The following FREM2 variants were observed in gnomAD, a reference collection of about 807,000 sequenced individuals.
The protein encoded by FREM2 is FRAS1-related extracellular matrix protein 2.
In FREM2, 119 loss-of-function variants were observed where a neutral mutation model predicts 219.9. That is an observed-to-expected ratio of 0.54 (90% confidence interval 0.47 to 0.63). The LOEUF (loss-of-function observed/expected upper bound fraction) is 0.63, where lower values mean the gene tolerates loss of function less well. Ranked by LOEUF, FREM2 falls within the 30% of genes least tolerant of loss-of-function variation. FREM2 has a pLI of 0.00. For synonymous variants in FREM2, 1,562 were observed against 1,522.8 expected (o/e 1.03, Z -0.60); for missense variants, 4,030 against 3,993.6 (o/e 1.01, Z -0.25).
At position 38,872,930 on chromosome 13, in the gene FREM2, T is replaced by A. The variant is rs201065518; in HGVS notation, c.8172T>A (p.Leu2724=). Reference sequence around the variant, plus strand: ...TTGGCAGCCCCCCAGAGGCTGAACTTCAAGGTGAGTTCAGAAGACTTGGAA... The same window carrying A: ...TTGGCAGCCCCCCAGAGGCTGAACTACAAGGTGAGTTCAGAAGACTTGGAA... ...DGIGSPPEAE[L]QGSLYPTSMR... is the part of the protein sequence containing the mutation. The change falls in exon 17 of 24, where the codon CTT becomes CTA. Residue 2724 remains leucine, a synonymous_variant. Transcript: ENST00000280481. 283 of 1,612,960 alleles carry A rather than the reference T, an allele frequency of 1.8e-4. 3 individuals are homozygous for A. In the Middle Eastern group the frequency reaches 4.2e-3, roughly 24 times the overall value.
Position 38,874,660 on chromosome 13 carries a change from G to A in FREM2, c.8281+74G>A, listed in dbSNP as rs941926123. 2.5e-6 allele frequency: 3 copies of A among 1,201,852 alleles called. No homozygotes were observed. In the African/African-American group the frequency reaches 4.5e-5, roughly 18 times the overall value. The allele number at this position is 1,201,852 out of a possible 1,614,324, so 74.4% of individuals were successfully genotyped here. On this transcript the variant is annotated intron_variant, in intron 18 of 23. Transcript: ENST00000280481. ...AGATTTTCCATCTTCACACATTTCA[G>A]CGTGCTTCTCTGTTACCACTGAAGC...
chr13:38,865,978 A>C (rs1877947464), intron 16 of FREM2, among the ~76,000 whole-genome samples: 1 of 152,172 alleles, frequency 6.6e-6, no homozygotes, highest in African/African-American at 2.4e-5. Context: ...AAGAAAAATA[A>C]AGGCTCATAT....
chr13:38,832,504 C>A (rs1876548873), intron 6 of FREM2, among the ~76,000 whole-genome samples: 1 of 151,910 alleles, frequency 6.6e-6, no homozygotes, highest in Non-Finnish European at 1.5e-5. Flanking sequence ...AGGAAATAAC[C>A]AGTTAGTGGT....
intron 4 of FREM2, among the ~76,000 whole-genome samples, chr13:38,776,703 T>C (rs1369258451): frequency 6.6e-6 from 1 of 151,940 alleles, no homozygotes; most frequent in Non-Finnish European, 1.5e-5. Flanking sequence ...TTAATAATGG[T>C]GGAAAATGAG....
chr13:38,859,825 A>G (rs117078469), intron 14 of FREM2, among the ~76,000 whole-genome samples: 2,555 of 151,954 alleles, frequency 0.017, 24 homozygotes, highest in Middle Eastern at 0.068. Flanking sequence ...GCAATAAAAT[A>G]AAGAAGACAG....
intron 2 of FREM2, among the ~76,000 whole-genome samples, chr13:38,742,476 G>A (rs1267516754): frequency 6.6e-6 from 1 of 152,150 alleles, no homozygotes; most frequent in Non-Finnish European, 1.5e-5. Flanking sequence ...GTCTTCCATG[G>A]TCCTTAGGTA....
intron 6 of FREM2, among the ~76,000 whole-genome samples, chr13:38,792,586 A>G (rs1008734257): frequency 2.0e-5 from 3 of 152,166 alleles, no homozygotes; most frequent in Admixed American, 6.5e-5. Context: ...ACTATGCCAA[A>G]TTTATAAATT....
intron 6 of FREM2, among the ~76,000 whole-genome samples, chr13:38,824,429 G>A (rs932426258): frequency 1.9e-4 from 29 of 152,144 alleles, no homozygotes; most frequent in African/African-American, 6.5e-4. Flanking sequence ...AATAAAGACC[G>A]TGGCATTTTA....
At chr13:38,871,083 TG>T (rs1403852026) in intron 16 of FREM2, among the ~76,000 whole-genome samples, 1 of 152,200 alleles carries the variant, frequency 6.6e-6, no homozygotes, top group African/African-American at 2.4e-5. Flanking sequence ...TAGAAACTAC[TG>T]TCTCAAAGGA....
Position 38,846,654 on chromosome 13 carries a change from G to T in FREM2, c.6101G>T (p.Gly2034Val), listed in dbSNP as rs778531580. The change falls in exon 7 of 24, where the codon GGC becomes GTC. Residue 2034 changes from glycine to valine, a missense_variant. Transcript: ENST00000280481. ...GYVEVQVWRT[G>V]TDLSKSSSVT... ...GTGGAAGTGCAGGTGTGGAGAACGGGCACTGACCTGTCCAAGTCTTCTAGT... is the reference window on the plus strand; with the variant it reads ...GTGGAAGTGCAGGTGTGGAGAACGGTCACTGACCTGTCCAAGTCTTCTAGT... 7 of 1,613,688 alleles carry T rather than the reference G, an allele frequency of 4.3e-6. No individual in the cohort carries two copies. The highest frequency in any genetic ancestry group is 1.3e-5 in the African/African-American group (1 of 74,894).
intron 6 of FREM2, among the ~76,000 whole-genome samples, chr13:38,826,897 T>C (rs971415473): frequency 6.6e-5 from 10 of 152,124 alleles, no homozygotes; most frequent in Non-Finnish European, 1.5e-4. Flanking sequence ...TATTTCCCTC[T>C]TCCTAGAATC....
In FREM2 at chr13:38,875,034, G is replaced by T. The variant is rs370925156; in HGVS notation, c.8281+448G>T. ...TACTTCACTTTCATATTTAAGTTTTGGACATGTTAATTATGTTTAATAAGT... is the reference window on the plus strand; with the variant it reads ...TACTTCACTTTCATATTTAAGTTTTTGACATGTTAATTATGTTTAATAAGT... On this transcript the variant is annotated intron_variant, in intron 18 of 23. Transcript: ENST00000280481. Among the ~76,000 whole-genome samples, 37 of 152,146 alleles carry T rather than the reference G, an allele frequency of 2.4e-4. 1 individual carries two copies. Among genetic ancestry groups the T allele is most frequent in the Admixed American group, 1.6e-3 (24 of 15,284 alleles).
At position 38,687,082 on chromosome 13, in the gene FREM2, T is replaced by G. The variant is rs1869478615; in HGVS notation, c.-263T>G. 2 of 572,512 alleles carry G rather than the reference T, an allele frequency of 3.5e-6. No homozygotes were observed. Among genetic ancestry groups the G allele is most frequent in the Non-Finnish European group, 6.2e-6 (2 of 322,038 alleles). The allele number at this position is 572,512 out of a possible 1,614,324, so 35.5% of individuals were successfully genotyped here. On this transcript the variant is annotated 5_prime_UTR_variant, in exon 1 of 24. Coordinates refer to ENST00000280481, the MANE Select transcript of FREM2 (RefSeq NM_207361.6). ...GGTCCGGGGACCTGGAAAGTAGAAG[T>G]GGAGGGATTCAATTCTCCGCGCGAT...
intron 9 of FREM2, among the ~76,000 whole-genome samples, chr13:38,850,697 G>T (rs1008548646): frequency 6.6e-6 from 1 of 152,208 alleles, no homozygotes; most frequent in Non-Finnish European, 1.5e-5. Context: ...TTTCTAAGAT[G>T]AGTGGCAGAG....
chr13:38,687,830 G>C lies in FREM2; in HGVS notation c.486G>C (p.Gly162=). Residue 162 remains glycine, a synonymous_variant, in exon 1 of 24, where the codon GGG becomes GGC. Transcript: ENST00000280481. ...RLQLRYDAPG[G]AVVLPLVLEV... is the part of the protein sequence containing the mutation. ...AGCTGCGCTATGACGCGCCCGGAGG[G>C]GCAGTAGTGCTACCACTGGTACTGG... The C allele has an allele frequency of 6.4e-7, 1 of 1,552,078 alleles. No individual in the cohort carries two copies. The highest frequency in any genetic ancestry group is 8.7e-7 in the Non-Finnish European group (1 of 1,144,536).
chr13:38,858,088 A>G, intron 13 of FREM2, 55 bp downstream of exon 13: 1 of 1,401,372 alleles, frequency 7.1e-7, no homozygotes, highest in Non-Finnish European at 1.0e-6. Flanking sequence ...ATTTCAAATA[A>G]TTATAATCAA....
chr13:38,880,409 A>G lies in FREM2; in HGVS notation c.9132A>G (p.Gln3044=), dbSNP rs114040646. The G allele has an allele frequency of 2.6e-5, 42 of 1,614,150 alleles. No homozygotes were observed. The highest frequency in any genetic ancestry group is 6.7e-5 in the East Asian group (3 of 44,872). Reference sequence around the variant, plus strand: ...CTCTGGTGAGTCAAGGAAAGCCCCAATCCACCACCAAGAGCCGGAAGAAGA... The same window carrying G: ...CTCTGGTGAGTCAAGGAAAGCCCCAGTCCACCACCAAGAGCCGGAAGAAGA... ...YHSLVSQGKP[Q]STTKSRKKRE... The change falls in exon 24 of 24, where the codon CAA becomes CAG. Residue 3044 remains glutamine, a synonymous_variant. Transcript: ENST00000280481.
chr13:38,709,085 T>C (rs1024630608), intron 2 of FREM2, among the ~76,000 whole-genome samples: 3 of 152,108 alleles, frequency 2.0e-5, no homozygotes, highest in African/African-American at 7.2e-5. Context: ...AGGATAAAAT[T>C]CAGACTCTTC....
At chr13:38,746,292 T>A (rs1332522776) in intron 2 of FREM2, among the ~76,000 whole-genome samples, 1 of 152,208 alleles carries the variant, frequency 6.6e-6, no homozygotes, top group Non-Finnish European at 1.5e-5. Flanking sequence ...CTGTACACAA[T>A]GAGGCTACTA....
Sources: allele counts gnomAD v4.1 joint callset (sites outside exome capture counted in the v4.1 genomes callset), GRCh38; gene constraint gnomAD v4.1.1; transcripts MANE v1.5; gene names NCBI Gene and HGNC (gene_info 2026-07-23, HGNC 2026-07-21).